SOX5: variants seen among roughly 807,000 people sequenced by gnomAD.
The protein encoded by SOX5 is transcription factor SOX-5.
Under a neutral mutation model 92.0 loss-of-function variants are expected in SOX5, and 9 were observed. The ratio of observed to expected loss-of-function variants is 0.10; its 90% CI spans 0.06 to 0.17. The LOEUF (loss-of-function observed/expected upper bound fraction) is 0.17. Among genes scored for constraint, SOX5 ranks in the 10% least tolerant of loss-of-function variants. SOX5 has a pLI of 1.00. For synonymous variants in SOX5, 344 were observed against 336.3 expected (o/e 1.02, Z -0.25); for missense variants, 642 against 944.5 (o/e 0.68, Z 4.20).
At chr12:23,799,327 C>T (rs1347768771) in intron 3 of SOX5, among the ~76,000 whole-genome samples, 2 of 151,888 alleles carry the variant, frequency 1.3e-5, no homozygotes, top group South Asian at 2.1e-4. Flanking sequence ...CTTCTAATGC[C>T]CATTAATTCA....
chr12:23,668,799 G>A (rs4963708), intron 6 of SOX5, among the ~76,000 whole-genome samples: 63,507 of 151,894 alleles, frequency 0.42, 13,631 homozygotes, highest in East Asian at 0.47. Context: ...CTTTTAAGAA[G>A]CCCCGTCTTA....
At chr12:23,898,178 TC>T (rs2097196331) in intron 1 of SOX5, among the ~76,000 whole-genome samples, 3 of 152,208 alleles carry the variant, frequency 2.0e-5, no homozygotes, top group Admixed American at 2.0e-4. Flanking sequence ...ATGTTTAAGG[TC>T]TTTGTGAAGT....
intron 1 of SOX5, among the ~76,000 whole-genome samples, chr12:24,408,127 G>A (rs752447954): frequency 1.6e-4 from 25 of 152,228 alleles, no homozygotes; most frequent in South Asian, 8.3e-4. Flanking sequence ...CTTGCTAAGC[G>A]TGTCCAGGAA....
At chr12:23,740,439 T>C (rs964860956) in intron 5 of SOX5, among the ~76,000 whole-genome samples, 3 of 152,210 alleles carry the variant, frequency 2.0e-5, no homozygotes, top group African/African-American at 4.8e-5. Flanking sequence ...AGTATTATAA[T>C]GGCCTTGTAA....
chr12:23,754,096 T>A (rs2094282818), intron 4 of SOX5, among the ~76,000 whole-genome samples: 1 of 151,886 alleles, frequency 6.6e-6, no homozygotes, highest in African/African-American at 2.4e-5. Context: ...GTGATTGTAC[T>A]GTAGCTTCCT....
intron 2 of SOX5, among the ~76,000 whole-genome samples, chr12:23,848,840 T>C (rs2096601445): frequency 6.6e-6 from 1 of 152,222 alleles, no homozygotes; most frequent in Non-Finnish European, 1.5e-5. Context: ...ATACGACCTC[T>C]AAATTCTAAT....
intron 2 of SOX5, among the ~76,000 whole-genome samples, chr12:23,880,044 T>C (rs2096970673): frequency 6.6e-6 from 1 of 152,108 alleles, no homozygotes; most frequent in Non-Finnish European, 1.5e-5. Context: ...ATAGCCCCAG[T>C]GTGAGGATGC....
chr12:23,959,081 A>T (rs1192434265), intron 4 of SOX5, among the ~76,000 whole-genome samples: 1 of 151,906 alleles, frequency 6.6e-6, no homozygotes, highest in East Asian at 1.9e-4. Context: ...TCAATGTCAT[A>T]AAAATATCAA....
chr12:23,564,647 C>A (rs1189146666), intron 10 of SOX5, among the ~76,000 whole-genome samples: 1 of 152,166 alleles, frequency 6.6e-6, no homozygotes, highest in Admixed American at 6.5e-5. Flanking sequence ...TCTGCCAAAA[C>A]ACGCTATTAA....
At chr12:24,035,578 A>G (rs370484832) in intron 4 of SOX5, among the ~76,000 whole-genome samples, 128 of 152,228 alleles carry the variant, frequency 8.4e-4, no homozygotes, top group Admixed American at 1.6e-3. Flanking sequence ...ATGAAATGAT[A>G]TAACATCCAG....
chr12:24,185,270 A>G lies in SOX5; in HGVS notation c.-2+28073T>C, dbSNP rs9651819. ...CTTTAAAAATATGTAATCACTTCCC[A>G]TTGCTCCTAGAATAGATATCACTTA... On this transcript the variant is annotated intron_variant, in intron 4 of 4. Coordinates refer to the SOX5 transcript ENST00000446891. 5.6e-3 allele frequency among the ~76,000 whole-genome samples: 858 copies of G among 152,152 alleles called. 8 individuals are homozygous for G. The highest frequency in any genetic ancestry group is 0.019 in the African/African-American group (791 of 41,534).
chr12:24,354,482 C>T (rs760543514), intron 2 of SOX5, among the ~76,000 whole-genome samples: 16 of 152,232 alleles, frequency 1.1e-4, no homozygotes, highest in Non-Finnish European at 2.1e-4. Flanking sequence ...TACGGAAGAG[C>T]TATGATCAGA....
Position 23,582,695 on chromosome 12 carries a change from G to A in SOX5, c.1165-6857C>T, listed in dbSNP as rs557563839. ...CATTAGACTTGATGGCCATTTAAAT[G>A]TAAGTCTTATTTAGCTGAGGGTAAT... On this transcript the variant is annotated intron_variant, in intron 9 of 14. Coordinates refer to ENST00000451604, the MANE Select transcript of SOX5 (RefSeq NM_006940.6). 7.2e-5 allele frequency among the ~76,000 whole-genome samples: 11 copies of A among 152,218 alleles called. No individual in the cohort carries two copies. In the East Asian group the frequency reaches 1.7e-3, roughly 24 times the overall value.
chr12:23,537,440 A>T (rs968991400), intron 13 of SOX5, among the ~76,000 whole-genome samples: 1 of 152,210 alleles, frequency 6.6e-6, no homozygotes, highest in Admixed American at 6.5e-5. Flanking sequence ...TATAACTTAA[A>T]TTGTGCTATA....
intron 4 of SOX5, among the ~76,000 whole-genome samples, chr12:24,033,610 T>C (rs924906315): frequency 3.9e-5 from 6 of 152,048 alleles, no homozygotes; most frequent in African/African-American, 9.7e-5. Flanking sequence ...TCTACTGACG[T>C]AGACTTACAG....
At chr12:24,070,635 A>G (rs1020418875) in intron 4 of SOX5, among the ~76,000 whole-genome samples, 1 of 152,174 alleles carries the variant, frequency 6.6e-6, no homozygotes, top group African/African-American at 2.4e-5. Context: ...ATGCCATTAG[A>G]AAAATAGTAT....
chr12:23,926,937 G>A (rs953057519), intron 1 of SOX5, among the ~76,000 whole-genome samples: 1 of 151,944 alleles, frequency 6.6e-6, no homozygotes, highest in East Asian at 1.9e-4. Context: ...ATAGGATAAA[G>A]AACTTTTTGT....
intron 3 of SOX5, among the ~76,000 whole-genome samples, chr12:24,264,709 G>T (rs773293892): frequency 4.9e-4 from 75 of 152,130 alleles, no homozygotes; most frequent in Non-Finnish European, 2.1e-4. Flanking sequence ...CTCTGTAAAT[G>T]TATCTGTAAA....
intron 3 of SOX5, among the ~76,000 whole-genome samples, chr12:23,788,271 C>A (rs991936336): frequency 6.6e-6 from 1 of 151,890 alleles, no homozygotes; most frequent in South Asian, 2.1e-4. Flanking sequence ...AGGTTTAGTA[C>A]AATTGCTAGG....
Sources: allele counts gnomAD v4.1 joint callset (sites outside exome capture counted in the v4.1 genomes callset), GRCh38; gene constraint gnomAD v4.1.1; transcripts MANE v1.5; gene names NCBI Gene and HGNC (gene_info 2026-07-23, HGNC 2026-07-21).